ESCO2: variants seen among roughly 807,000 people sequenced by gnomAD.
ESCO2 encodes establishment of sister chromatid cohesion N-acetyltransferase 2, also known as N-acetyltransferase ESCO2.
In ESCO2, 51 loss-of-function variants were observed where a neutral mutation model predicts 61.7. The ratio of observed to expected loss-of-function variants is 0.83; its 90% confidence interval spans 0.66 to 1.04. ESCO2 has a LOEUF of 1.04. Among genes scored for constraint, ESCO2 ranks in the 50% least tolerant of loss-of-function variants. The pLI is 0.00. For synonymous variants in ESCO2, 230 were observed against 238.2 expected (o/e 0.97, Z 0.32); for missense variants, 692 against 686.2 (o/e 1.01, Z -0.09).
At chr8:27,801,703 A>T (rs901608179) in intron 10 of ESCO2, among the ~76,000 whole-genome samples, 7 of 152,138 alleles carry the variant, frequency 4.6e-5, no homozygotes, top group African/African-American at 1.7e-4. Context: ...GAGTAGTAGG[A>T]AGCCTTTGTC....
At chr8:27,786,699 G>A (rs1412153413) in intron 5 of ESCO2, among the ~76,000 whole-genome samples, 1 of 151,620 alleles carries the variant, frequency 6.6e-6, no homozygotes, top group Non-Finnish European at 1.5e-5. Context: ...GCATAGATTT[G>A]TCAAGTCAGT....
chr8:27,805,345 A>G (rs1805544415), downstream of ESCO2: 3 of 144,208 alleles, frequency 2.1e-5, no homozygotes, highest in Admixed American at 1.4e-4. Flanking sequence ...TCCTGCTTTG[A>G]GTTTAGTGCT....
At chr8:27,799,100 G>GT (rs1210648817) in intron 9 of ESCO2, among the ~76,000 whole-genome samples, 3 of 151,676 alleles carry the variant, frequency 2.0e-5, no homozygotes, top group Admixed American at 6.6e-5. Flanking sequence ...CTCTGTAGTG[G>GT]TTTTTTTCAA....
chr8:27,810,207 A>G (rs569262311), downstream of ESCO2: 4 of 795,858 alleles, frequency 5.0e-6, no homozygotes, highest in African/African-American at 7.0e-5. Flanking sequence ...GTCCTCAAAT[A>G]TGCCAATTTT....
At chr8:27,805,951 C>A (rs1310602319), downstream of ESCO2, among the ~76,000 whole-genome samples, 2 of 152,070 alleles carry the variant, frequency 1.3e-5, no homozygotes, top group Non-Finnish European at 2.9e-5. Flanking sequence ...TTACTAATAC[C>A]TTCTTCCACA....
In ESCO2 at chr8:27,776,662, T is replaced by G; in HGVS notation, c.354T>G (p.Ser118=). 1 of 1,613,786 alleles carries G rather than the reference T, an allele frequency of 6.2e-7. No individual in the cohort carries two copies. Among genetic ancestry groups the G allele is most frequent in the African/African-American group, 1.3e-5 (1 of 75,006 alleles). Residue 118 remains serine, a synonymous_variant, in exon 3 of 11, where the codon TCT becomes TCG. Coordinates refer to ENST00000305188, the MANE Select transcript of ESCO2 (RefSeq NM_001017420.3). ...TCLKTNDEDK[S]FPIVTEKMQG... is the part of the protein sequence containing the mutation. ...TAAAAACTAATGATGAAGATAAATC[T>G]TTTCCCATTGTGACAGAAAAAATGC...
upstream of ESCO2, chr8:27,774,459 C>T (rs1435861621): frequency 6.6e-6 from 1 of 152,230 alleles, no homozygotes; most frequent in Non-Finnish European, 1.5e-5. Context: ...GGCTGGTGCT[C>T]CACCAATCAC....
At chr8:27,785,118 T>C (rs1434592265) in intron 5 of ESCO2, among the ~76,000 whole-genome samples, 1 of 152,222 alleles carries the variant, frequency 6.6e-6, no homozygotes, top group Admixed American at 6.5e-5. Flanking sequence ...AGCAGCCACA[T>C]CTGGTGGGTG....
At chr8:27,786,554 A>T (rs1028683779) in intron 5 of ESCO2, among the ~76,000 whole-genome samples, 1 of 152,224 alleles carries the variant, frequency 6.6e-6, no homozygotes, top group South Asian at 2.1e-4. Context: ...ATACTGAGTT[A>T]GTCACAACCC....
rs118103454 is a variant in ESCO2, at chr8:27,803,534, C to T, written c.*96C>T. On this transcript the variant is annotated 3_prime_UTR_variant, in exon 11 of 11. Transcript: ENST00000305188. ...TATTTAATATCAAAATAAAAAATAC[C>T]GAGACTCACACTCATACACACACAC... 4.7e-4 allele frequency: 694 copies of T among 1,463,812 alleles called. 6 individuals are homozygous for T. The East Asian group carries it at 0.015, about 33-fold the overall frequency. The allele number at this position is 1,463,812 out of a possible 1,614,324, so 90.7% of individuals were successfully genotyped here.
At chr8:27,786,614 ATC>A (rs1179753663) in intron 5 of ESCO2, among the ~76,000 whole-genome samples, 1 of 152,208 alleles carries the variant, frequency 6.6e-6, no homozygotes, top group African/African-American at 2.4e-5. Flanking sequence ...GGAATAGTGT[ATC>A]TCTCACACAG....
At chr8:27,803,185 C>A (rs529155894) in intron 10 of ESCO2, 121 bp from the exon 11 acceptor site, 7 of 844,482 alleles carry the variant, frequency 8.3e-6, no homozygotes, top group Middle Eastern at 2.4e-4. Flanking sequence ...AAATATAAGG[C>A]ATTTTTTCAC....
chr8:27,795,728 G>T (rs970272332), intron 9 of ESCO2, among the ~76,000 whole-genome samples: 2 of 152,042 alleles, frequency 1.3e-5, no homozygotes, highest in African/African-American at 4.8e-5. Context: ...AAGGATGTTG[G>T]ATGCCTTTTC....
At chr8:27,810,509 G>GAGTT (rs1229464993), downstream of ESCO2, 3 of 1,560,026 alleles carry the variant, frequency 1.9e-6, no homozygotes, top group South Asian at 1.1e-5. Flanking sequence ...TATCTTGAAG[G>GAGTT]AGTTAGAGAT....
At chr8:27,776,187 TATTTG>T (rs145854061) in intron 2 of ESCO2, among the ~76,000 whole-genome samples, 170 bp from the exon 3 acceptor site, 1,678 of 152,236 alleles carry the variant, frequency 0.011, 54 homozygotes, top group Admixed American at 0.068. Flanking sequence ...TTGAATGTTT[TATTTG>T]ATAAAGACAG....
At chr8:27,788,821 T>A in intron 6 of ESCO2, 26 bp from the exon 7 acceptor site, 1 of 1,613,830 alleles carries the variant, frequency 6.2e-7, no homozygotes, top group Non-Finnish European at 8.5e-7. Flanking sequence ...TTTAAATGGG[T>A]TTCTTTTTTT....
At chr8:27,793,771 C>T (rs1805233639) in intron 9 of ESCO2, among the ~76,000 whole-genome samples, 1 of 152,180 alleles carries the variant, frequency 6.6e-6, no homozygotes, top group African/African-American at 2.4e-5. Context: ...AGGCATGAGC[C>T]ACCGCACCCG....
chr8:27,784,122 T>C, intron 5 of ESCO2, 65 bp downstream of exon 5: 1 of 1,489,642 alleles, frequency 6.7e-7, no homozygotes, highest in South Asian at 1.1e-5. Context: ...GGGTCTCTTT[T>C]TCAGTCTCAT....
downstream of ESCO2, among the ~76,000 whole-genome samples, chr8:27,812,940 T>C (rs145689312): frequency 0.058 from 8,821 of 152,276 alleles, 351 homozygotes; most frequent in Non-Finnish European, 0.087. Context: ...GAACTAGAAA[T>C]ACCATTTGAC....
Sources: allele counts gnomAD v4.1 joint callset (sites outside exome capture counted in the v4.1 genomes callset), GRCh38; gene constraint gnomAD v4.1.1; transcripts MANE v1.5; gene names NCBI Gene and HGNC (gene_info 2026-07-23, HGNC 2026-07-21).